PLEKHA4: variants seen among roughly 807,000 people sequenced by gnomAD.
The protein encoded by PLEKHA4 is pleckstrin homology domain-containing family A member 4.
Under a neutral mutation model 94.7 loss-of-function variants are expected in PLEKHA4, and 73 were observed. The observed-to-expected ratio is 0.77, with a 90% CI of 0.64 to 0.94. The LOEUF (loss-of-function observed/expected upper bound fraction) is 0.94. PLEKHA4 is among the 40% of genes least tolerant of loss of function. The probability of loss-of-function intolerance (pLI) is 0.00; values close to 1 mark genes in which losing one functional copy is unlikely to be tolerated. For missense variants in PLEKHA4, 1,049 were observed against 1,054.1 expected (o/e 1.00, Z 0.07); for synonymous variants, 449 against 437.1 (o/e 1.03, Z -0.34).
At position 48,838,039 on chromosome 19, in the gene PLEKHA4, C is replaced by T. The variant is rs748675482; in HGVS notation, c.2055G>A (p.Ser685=). The T allele has an allele frequency of 1.1e-5, 17 of 1,613,472 alleles. No homozygotes were observed. The South Asian group carries it at 1.4e-4, about 14-fold the overall frequency. The change falls in exon 19 of 20, where the codon TCG becomes TCA. Residue 685 remains serine (S), a synonymous_variant. Transcript: ENST00000263265. Reference sequence around the variant, plus strand: ...CACCTGTCATCATTCTGTGCCACTGCGACGCCTCAGTAGCCAGGGCTTGGG... The same window carrying T: ...CACCTGTCATCATTCTGTGCCACTGTGACGCCTCAGTAGCCAGGGCTTGGG... ...SLSQALATEA[S]QWHRMMTGGN...
intron 3 of PLEKHA4, among the ~76,000 whole-genome samples, chr19:48,864,456 C>G (rs1224949987): frequency 6.6e-6 from 1 of 152,126 alleles, no homozygotes. Flanking sequence ...GCATGACCCA[C>G]TATGCTCAGC....
intron 9 of PLEKHA4, among the ~76,000 whole-genome samples, chr19:48,856,963 GAA>G (rs2036445475): frequency 6.8e-6 from 1 of 146,824 alleles, no homozygotes; most frequent in African/African-American, 2.6e-5. Context: ...AAGAAAGAAA[GAA>G]AGAGGTTTTT....
At chr19:48,846,349 G>C (rs1369543409) in intron 14 of PLEKHA4, among the ~76,000 whole-genome samples, 1 of 152,006 alleles carries the variant, frequency 6.6e-6, no homozygotes, top group Admixed American at 6.6e-5. Context: ...TACTCGGGAG[G>C]CTGAGGCAGG....
chr19:48,849,822 G>A (rs1302530540), intron 13 of PLEKHA4, among the ~76,000 whole-genome samples: 3 of 152,226 alleles, frequency 2.0e-5, no homozygotes, highest in Non-Finnish European at 2.9e-5. Context: ...AAAAAAGGCT[G>A]AGGGTTGGAG....
intron 13 of PLEKHA4, among the ~76,000 whole-genome samples, chr19:48,850,245 C>T (rs886865776): frequency 1.3e-5 from 2 of 151,656 alleles, no homozygotes; most frequent in African/African-American, 4.9e-5. Flanking sequence ...GTGACTCACG[C>T]CTGTAATCCC....
In PLEKHA4 at chr19:48,859,453, T is replaced by A. The variant is rs763513051; in HGVS notation, c.692+16A>T. 76 of 1,612,524 alleles carry A rather than the reference T, an allele frequency of 4.7e-5. No homozygotes were observed. Among genetic ancestry groups the A allele is most frequent in the East Asian group, 2.7e-4 (12 of 44,864 alleles). ...TTCTCTTAGGCCACGCCCACAACCA[T>A]GTCCTCCCTACTCACTCGGGGCTCC... On this transcript the variant is annotated intron_variant, in intron 7 of 19. Coordinates refer to ENST00000263265, the MANE Select transcript of PLEKHA4 (RefSeq NM_020904.3).
At chr19:48,847,053 C>T (rs776297332) in intron 14 of PLEKHA4, among the ~76,000 whole-genome samples, 15 of 152,062 alleles carry the variant, frequency 9.9e-5, no homozygotes, top group Non-Finnish European at 2.1e-4. Flanking sequence ...GGCTCATTAA[C>T]ATTTTACTTT....
chr19:48,862,876 C>T (rs1761012728), intron 3 of PLEKHA4, among the ~76,000 whole-genome samples: 2 of 152,200 alleles, frequency 1.3e-5, no homozygotes, highest in African/African-American at 4.8e-5. Flanking sequence ...CATGTTTTCT[C>T]GTCTATCCGC....
At chr19:48,851,535 G>A (rs1465783360) in intron 13 of PLEKHA4, among the ~76,000 whole-genome samples, 3 of 152,088 alleles carry the variant, frequency 2.0e-5, no homozygotes, top group Non-Finnish European at 2.9e-5. Flanking sequence ...TGAATCGCTT[G>A]AGCCCGGGAG....
Position 48,856,898 on chromosome 19 carries a change from C to CAAA in PLEKHA4, c.1047+521_1047+523dup, listed in dbSNP as rs1315657736. 2.3e-3 allele frequency among the ~76,000 whole-genome samples: 81 copies of CAAA among 35,594 alleles called. 2 individuals carry two copies. The highest frequency in any genetic ancestry group is 0.012 in the African/African-American group (75 of 6,156). The allele number at this position is 35,594 out of a possible 152,430, so 23.4% of individuals were successfully genotyped here. On this transcript the variant is annotated intron_variant, in intron 9 of 19. Transcript: ENST00000263265. ...TGGGCGACAGAGAGAGACCCCGTCT[C>CAAA]AAAAAAAAAAAAAAAAAAGAAAGAA... is the stretch of plus-strand genomic sequence containing the variant.
At chr19:48,865,646 G>T in intron 2 of PLEKHA4, 36 bp from the exon 3 acceptor site, 1 of 1,474,492 alleles carries the variant, frequency 6.8e-7, no homozygotes, top group Non-Finnish European at 9.5e-7. Flanking sequence ...AACAGGGAGA[G>T]CCTAGGATGG....
rs140016573 is a variant in PLEKHA4, at chr19:48,842,831, C to T, written c.1744-1521G>A. ...GGAGGGTCTCACACTGGGTGTGACT[C>T]CCCCATAGACAAATCTGTCAGTGTC... is the stretch of plus-strand genomic sequence containing the variant. On this transcript the variant is annotated intron_variant, in intron 16 of 19. Transcript: ENST00000263265. Among the ~76,000 whole-genome samples, 571 of 152,286 alleles carry T rather than the reference C, an allele frequency of 3.7e-3. 2 individuals are homozygous for T. Among genetic ancestry groups the T allele is most frequent in the African/African-American group, 0.013 (540 of 41,564 alleles).
At chr19:48,850,904 C>G (rs1229223937) in intron 13 of PLEKHA4, among the ~76,000 whole-genome samples, 3 of 152,002 alleles carry the variant, frequency 2.0e-5, no homozygotes, top group Non-Finnish European at 4.4e-5. Context: ...CTTTGGGAGG[C>G]CGAGGTGGGT....
intron 16 of PLEKHA4, among the ~76,000 whole-genome samples, chr19:48,842,812 T>C (rs2035817974): frequency 6.6e-6 from 1 of 152,174 alleles, no homozygotes; most frequent in African/African-American, 2.4e-5. Flanking sequence ...CTCTGGAGGG[T>C]CTCACACTGG....
chr19:48,847,527 T>C (rs1019123199), intron 14 of PLEKHA4, among the ~76,000 whole-genome samples: 3 of 151,708 alleles, frequency 2.0e-5, no homozygotes, highest in Non-Finnish European at 4.4e-5. Context: ...AGGCCAGGAG[T>C]ACATGACCAG....
At position 48,865,561 on chromosome 19, in the gene PLEKHA4, T is replaced by C. The variant is rs762855661; in HGVS notation, c.134A>G (p.Asn45Ser). ...AAGGTTGGGATCCCTCCTGAGCGCA[T>C]TGCCTCTCTTCCCAAAGGCGTGGAT... ...NKIHAFGKRG[N>S]ALRRDPNLPV... Residue 45 changes from asparagine (N) to serine (S), a missense_variant, in exon 3 of 20, where the codon AAT becomes AGT. Physicochemically the swap from Asn to Ser is conservative, Grantham distance 46. Transcript: ENST00000263265. The C allele has an allele frequency of 1.4e-5, 23 of 1,613,970 alleles. No individual in the cohort carries two copies. The highest frequency in any genetic ancestry group is 4.4e-5 in the South Asian group (4 of 91,078).
At chr19:48,838,311 G>T in intron 18 of PLEKHA4, 182 bp from the exon 19 acceptor site, 1 of 454,202 alleles carries the variant, frequency 2.2e-6, no homozygotes, top group Non-Finnish European at 4.0e-6. Flanking sequence ...TAACTAGATT[G>T]TTTATACATC....
intron 16 of PLEKHA4, among the ~76,000 whole-genome samples, chr19:48,841,849 G>A (rs2035780640): frequency 6.6e-6 from 1 of 152,140 alleles, no homozygotes; most frequent in Admixed American, 6.6e-5. Context: ...AAGAGGCTGA[G>A]GCAGGGGGAT....
intron 7 of PLEKHA4, 74 bp from the exon 8 acceptor site, chr19:48,859,213 G>T: frequency 9.2e-6 from 11 of 1,197,098 alleles, no homozygotes; most frequent in Non-Finnish European, 1.3e-5. Context: ...CATCAAGTCA[G>T]CCTCAAGGAC....
Sources: gnomAD v4.1 joint callset for allele counts (sites outside exome capture counted in the v4.1 genomes callset) on GRCh38, gnomAD v4.1.1 for gene constraint, MANE v1.5 for transcripts, NCBI Gene and HGNC (gene_info 2026-07-23, HGNC 2026-07-21) for gene names.